GUCY1A2: variants seen among roughly 807,000 people sequenced by gnomAD.
The protein encoded by GUCY1A2 is guanylate cyclase 1 soluble subunit alpha 2.
In GUCY1A2, 27 loss-of-function variants were observed where a neutral mutation model predicts 63.5. The observed-to-expected ratio is 0.43, with a 90% CI of 0.31 to 0.59. The LOEUF (loss-of-function observed/expected upper bound fraction) is 0.59. Among genes scored for constraint, GUCY1A2 ranks in the 20% least tolerant of loss-of-function variants. The pLI is 0.11. For synonymous variants in GUCY1A2, 364 were observed against 343.5 expected (o/e 1.06, Z -0.66); for missense variants, 768 against 913.3 (o/e 0.84, Z 2.05).
At chr11:106,963,812 T>C (rs1428863563) in intron 3 of GUCY1A2, among the ~76,000 whole-genome samples, 2 of 152,218 alleles carry the variant, frequency 1.3e-5, no homozygotes, top group African/African-American at 4.8e-5. Context: ...CGTTTGTTTT[T>C]AATTGGGGAT....
chr11:106,940,579 A>G (rs1860739812), intron 3 of GUCY1A2, among the ~76,000 whole-genome samples: 1 of 152,160 alleles, frequency 6.6e-6, no homozygotes, highest in Non-Finnish European at 1.5e-5. Flanking sequence ...AACCTACATG[A>G]TGCATTATTA....
At chr11:106,844,868 G>C (rs1270552700) in intron 4 of GUCY1A2, among the ~76,000 whole-genome samples, 1 of 151,588 alleles carries the variant, frequency 6.6e-6, no homozygotes, top group Non-Finnish European at 1.5e-5. Context: ...TCACAGGAAA[G>C]CTTTTGCCTA....
chr11:106,902,421 C>T (rs1240981977), intron 4 of GUCY1A2, among the ~76,000 whole-genome samples: 1 of 152,192 alleles, frequency 6.6e-6, no homozygotes, highest in Non-Finnish European at 1.5e-5. Flanking sequence ...GCATTAGCTC[C>T]TAACAAGAGA....
chr11:106,897,633 T>C (rs4754173), intron 4 of GUCY1A2, among the ~76,000 whole-genome samples: 21,134 of 151,684 alleles, frequency 0.14, 1,522 homozygotes, highest in Non-Finnish European at 0.15. Flanking sequence ...CAAATGGTGC[T>C]AGAACAACTG....
intron 6 of GUCY1A2, among the ~76,000 whole-genome samples, chr11:106,713,683 T>G (rs1442318347): frequency 6.6e-6 from 1 of 151,804 alleles, no homozygotes; most frequent in East Asian, 1.9e-4. Context: ...ATTTATTGTA[T>G]TTTTAGTACA....
At chr11:106,709,844 T>TATAGTTATATATTATATACACGTATAGA in intron 6 of GUCY1A2, among the ~76,000 whole-genome samples, 1 of 130,988 alleles carries the variant, frequency 7.6e-6, no homozygotes, top group South Asian at 2.5e-4. Flanking sequence ...GTATAGAATA[T>TATAGTTATATATTATATACACGTATAGA]ATAGTTATAT....
chr11:106,873,940 C>T (rs1859714913), intron 4 of GUCY1A2, among the ~76,000 whole-genome samples: 1 of 152,110 alleles, frequency 6.6e-6, no homozygotes, highest in Non-Finnish European at 1.5e-5. Flanking sequence ...GTCTCCTCTG[C>T]CTAGCGTGCT....
intron 6 of GUCY1A2, among the ~76,000 whole-genome samples, chr11:106,747,384 G>C (rs766625801): frequency 2.0e-5 from 3 of 152,172 alleles, no homozygotes; most frequent in Non-Finnish European, 2.9e-5. Flanking sequence ...AACACTTTGC[G>C]AAAGTTACTT....
chr11:106,808,272 A>G (rs886555988), intron 5 of GUCY1A2, among the ~76,000 whole-genome samples: 1 of 151,794 alleles, frequency 6.6e-6, no homozygotes, highest in East Asian at 1.9e-4. Flanking sequence ...GTGTGTGTGT[A>G]TATATATATA....
rs527370389 is a variant in GUCY1A2 at position 107,001,997 on chromosome 11, C to T, written c.303+15756G>A. ...TCGCAACACTACACAGCAGCCTGGG[C>T]GACAGAGTGAGACTCTGTCTCAAAA... On this transcript the variant is annotated intron_variant, in intron 1 of 7. Coordinates refer to ENST00000526355, the MANE Select transcript of GUCY1A2 (RefSeq NM_000855.3). 8.7e-5 allele frequency among the ~76,000 whole-genome samples: 13 copies of T among 149,992 alleles called. No individual in the cohort carries two copies. In the South Asian group the frequency reaches 1.7e-3, roughly 20 times the overall value.
At chr11:106,737,788 C>A (rs1458742179) in intron 6 of GUCY1A2, among the ~76,000 whole-genome samples, 1 of 152,098 alleles carries the variant, frequency 6.6e-6, no homozygotes, top group Non-Finnish European at 1.5e-5. Flanking sequence ...TTTCTTTATC[C>A]AGTCTATGAT....
intron 4 of GUCY1A2, among the ~76,000 whole-genome samples, chr11:106,864,559 C>T (rs1859563461): frequency 6.6e-6 from 1 of 152,112 alleles, no homozygotes; most frequent in Non-Finnish European, 1.5e-5. Context: ...ATGGGTTTGT[C>T]ATAAATAGCT....
chr11:107,006,212 A>G (rs1861669523), intron 1 of GUCY1A2, among the ~76,000 whole-genome samples: 3 of 152,212 alleles, frequency 2.0e-5, no homozygotes, highest in Admixed American at 1.3e-4. Context: ...CTGAAGGAAT[A>G]TTTTGTTTTA....
chr11:106,677,135 T>A lies in GUCY1A2; in HGVS notation c.*10414A>T. Reference sequence around the variant, plus strand: ...CCCAAATAGTAAAGTACTATTGTCATTTATCTTATAAGAGCTAGAAAGAAA... The same window carrying A: ...CCCAAATAGTAAAGTACTATTGTCAATTATCTTATAAGAGCTAGAAAGAAA... On this transcript the variant is annotated 3_prime_UTR_variant, in exon 8 of 8. Coordinates refer to ENST00000526355, the MANE Select transcript of GUCY1A2 (RefSeq NM_000855.3). The A allele has an allele frequency of 4.6e-6, 1 of 217,458 alleles. No homozygotes were observed. Among genetic ancestry groups the A allele is most frequent in the African/African-American group, 2.2e-5 (1 of 44,452 alleles). 13.5% of individuals were successfully genotyped at this position (217,458 alleles called of 1,614,324 possible).
intron 5 of GUCY1A2, among the ~76,000 whole-genome samples, chr11:106,799,573 C>G (rs1202731612): frequency 6.6e-6 from 1 of 152,106 alleles, no homozygotes. Flanking sequence ...ACAGAGTTCT[C>G]AGAAATAATA....
At chr11:106,957,899 AAG>A (rs1308172718) in intron 3 of GUCY1A2, among the ~76,000 whole-genome samples, 5 of 128,670 alleles carry the variant, frequency 3.9e-5, no homozygotes, top group African/African-American at 1.5e-4. Flanking sequence ...TCAGAAAAAA[AAG>A]GTGTTGTGGT....
At chr11:106,775,967 G>A (rs1864350334) in intron 6 of GUCY1A2, among the ~76,000 whole-genome samples, 1 of 152,108 alleles carries the variant, frequency 6.6e-6, no homozygotes, top group Admixed American at 6.5e-5. Context: ...TTCACAGGCT[G>A]CAATCTTCAA....
chr11:106,962,342 G>C (rs1861068530), intron 3 of GUCY1A2, among the ~76,000 whole-genome samples: 1 of 152,054 alleles, frequency 6.6e-6, no homozygotes, highest in African/African-American at 2.4e-5. Flanking sequence ...ATGAGGTCAG[G>C]AGATCGAGAC....
At chr11:106,907,841 T>C (rs1352761039) in intron 4 of GUCY1A2, among the ~76,000 whole-genome samples, 5 of 152,126 alleles carry the variant, frequency 3.3e-5, no homozygotes, top group Non-Finnish European at 7.3e-5. Flanking sequence ...GTCTTTGCTA[T>C]TGTGAATAGT....
Sources: allele counts gnomAD v4.1 joint callset (sites outside exome capture counted in the v4.1 genomes callset), GRCh38; gene constraint gnomAD v4.1.1; transcripts MANE v1.5; gene names NCBI Gene and HGNC (gene_info 2026-07-23, HGNC 2026-07-21).